The following FZD3 variants were observed in gnomAD, a reference collection of about 807,000 sequenced individuals.
The protein encoded by FZD3 is frizzled class receptor 3.
FZD3 carries 30 observed loss-of-function variants against 60.7 expected under a neutral mutation model. The ratio of observed to expected loss-of-function variants is 0.49; its 90% CI spans 0.37 to 0.67. The LOEUF (loss-of-function observed/expected upper bound fraction) is 0.67. FZD3 is among the 30% of genes least tolerant of loss of function. The pLI is 0.00. For synonymous variants in FZD3, 246 were observed against 275.2 expected, an observed-to-expected ratio of 0.89 and a Z score of 1.05; for missense variants, 605 against 838.7, an observed-to-expected ratio of 0.72 and a Z score of 3.44.
At position 28,570,914 on chromosome 8, in the gene FZD3, CTT is replaced by C. The variant is rs1041160877; in HGVS notation, c.*7904_*7905del. 2.7e-5 allele frequency: 4 copies of C among 150,508 alleles called. No individual in the cohort carries two copies. The highest frequency in any genetic ancestry group is 7.3e-5 in the African/African-American group (3 of 40,882). The allele number at this position is 150,508 out of a possible 1,614,324, so 9.3% of individuals were successfully genotyped here. ...TTCTTTAGCTACATTTATTCCTTGTCTTATGTCATTTCACTGGATCATGTAAC... is the reference window on the plus strand; with the variant it reads ...TTCTTTAGCTACATTTATTCCTTGTCATGTCATTTCACTGGATCATGTAAC... On this transcript the variant is annotated 3_prime_UTR_variant, in exon 8 of 8. Coordinates refer to ENST00000240093, the MANE Select transcript of FZD3 (RefSeq NM_017412.4).
chr8:28,514,132 C>G (rs1179479376), intron 3 of FZD3, among the ~76,000 whole-genome samples: 1 of 152,094 alleles, frequency 6.6e-6, no homozygotes, highest in African/African-American at 2.4e-5. Context: ...ATTTAGTGAA[C>G]AAAAGTATTA....
rs913169425 is a variant in FZD3 at position 28,563,344 on chromosome 8, T to C, written c.*333T>C. 3.9e-5 allele frequency: 11 copies of C among 282,150 alleles called. No individual in the cohort carries two copies. Among genetic ancestry groups the C allele is most frequent in the Non-Finnish European group, 6.9e-5 (10 of 145,420 alleles). The allele number at this position is 282,150 out of a possible 1,614,324, so 17.5% of individuals were successfully genotyped here. ...GTGGTGACTGCTTTGTAGTGAACTT[T>C]CATATACTATAAACTAGTTGTGAGA... On this transcript the variant is annotated 3_prime_UTR_variant, in exon 8 of 8. Transcript: ENST00000240093.
chr8:28,505,360 A>AT (rs111513017), intron 3 of FZD3, among the ~76,000 whole-genome samples: 3,497 of 149,992 alleles, frequency 0.023, 129 homozygotes, highest in African/African-American at 0.079. Context: ...TTCTTTTTTT[A>AT]TTTTTTTTTG....
At chr8:28,547,052 CTG>C (rs1340959243) in intron 5 of FZD3, among the ~76,000 whole-genome samples, 3 of 152,304 alleles carry the variant, frequency 2.0e-5, no homozygotes, top group South Asian at 4.2e-4. Context: ...CTATCACTGC[CTG>C]TGTTTCCCAG....
At chr8:28,532,440 A>G (rs1033480889) in intron 5 of FZD3, among the ~76,000 whole-genome samples, 1 of 152,078 alleles carries the variant, frequency 6.6e-6, no homozygotes, top group African/African-American at 2.4e-5. Context: ...TTTTTAATTT[A>G]TTTATTGTGA....
chr8:28,497,803 A>T (rs1324155822), intron 1 of FZD3, among the ~76,000 whole-genome samples: 1 of 152,062 alleles, frequency 6.6e-6, no homozygotes, highest in Non-Finnish European at 1.5e-5. Flanking sequence ...TTCTTCTGGG[A>T]TTCAGCCTGC....
intron 1 of FZD3, among the ~76,000 whole-genome samples, chr8:28,494,950 G>C (rs75654528): frequency 0.028 from 4,297 of 152,296 alleles, 73 homozygotes; most frequent in Middle Eastern, 0.051. Context: ...AGTTTGCAAA[G>C]TCCTTGCTCC....
chr8:28,558,447 T>C (rs200937451), intron 7 of FZD3, among the ~76,000 whole-genome samples: 2 of 130,720 alleles, frequency 1.5e-5, no homozygotes, highest in Non-Finnish European at 3.3e-5. Context: ...TTTTTTTTTT[T>C]TGAGGCAGAG....
Position 28,569,964 on chromosome 8 carries a change from TATAAA to T in FZD3, c.*6956_*6960del, listed in dbSNP as rs1156527277. 6.6e-6 allele frequency: 1 copy of T among 152,174 alleles called. No individual in the cohort carries two copies. The highest frequency in any genetic ancestry group is 1.5e-5 in the Non-Finnish European group (1 of 68,038). The allele number at this position is 152,174 out of a possible 1,614,324, so 9.4% of individuals were successfully genotyped here. On this transcript the variant is annotated 3_prime_UTR_variant, in exon 8 of 8. Coordinates refer to ENST00000240093, the MANE Select transcript of FZD3 (RefSeq NM_017412.4). ...TTCAATTTACCAATATTAAAATAAT[TATAAA>T]ATGTAAAAGAAATTTCAGAGGAGTT...
At chr8:28,550,604 A>G (rs1384962772) in intron 5 of FZD3, among the ~76,000 whole-genome samples, 1 of 143,440 alleles carries the variant, frequency 7.0e-6, no homozygotes, top group African/African-American at 2.6e-5. Flanking sequence ...CGATTCTCCT[A>G]TCTCAGCCTC....
chr8:28,561,084 T>C (rs1805604195), intron 7 of FZD3, among the ~76,000 whole-genome samples: 2 of 152,220 alleles, frequency 1.3e-5, no homozygotes, highest in Admixed American at 6.5e-5. Flanking sequence ...GAGACAGAGT[T>C]TCGCTCTTGT....
chr8:28,526,335 T>C (rs1475126634), intron 4 of FZD3, among the ~76,000 whole-genome samples: 1 of 152,192 alleles, frequency 6.6e-6, no homozygotes, highest in African/African-American at 2.4e-5. Context: ...ATTTGCTTAC[T>C]AGAATGCTGA....
Position 28,566,519 on chromosome 8 carries a change from T to G in FZD3, c.*3508T>G, listed in dbSNP as rs551517714. ...AAGAATGTCTTCAAATTAGAAAAAT[T>G]TACTACATTTTAACCTACCTCATCA... On this transcript the variant is annotated 3_prime_UTR_variant, in exon 8 of 8. Coordinates refer to ENST00000240093, the MANE Select transcript of FZD3 (RefSeq NM_017412.4). The G allele has an allele frequency of 3.9e-5, 6 of 152,262 alleles. No homozygotes were observed. The South Asian group carries it at 8.3e-4, about 21-fold the overall frequency. The allele number at this position is 152,262 out of a possible 1,614,324, so 9.4% of individuals were successfully genotyped here. A position where few individuals can be genotyped will look rare whatever the true frequency, so the allele number is the denominator to read the frequency against.
At position 28,563,379 on chromosome 8, in the gene FZD3, G is replaced by C. The variant is rs1347707501; in HGVS notation, c.*368G>C. 5.6e-6 allele frequency: 1 copy of C among 177,582 alleles called. No individual in the cohort carries two copies. Among genetic ancestry groups the C allele is most frequent in the African/African-American group, 2.4e-5 (1 of 41,946 alleles). The allele number at this position is 177,582 out of a possible 1,614,324, so 11.0% of individuals were successfully genotyped here. ...TAAACTAGTTGTGAGATAACATTCT[G>C]GTAGCTCAGTTAATAAAACAATTTC... On this transcript the variant is annotated 3_prime_UTR_variant, in exon 8 of 8. Coordinates refer to ENST00000240093, the MANE Select transcript of FZD3 (RefSeq NM_017412.4).
At chr8:28,495,251 T>G (rs1341475296) in intron 1 of FZD3, among the ~76,000 whole-genome samples, 1 of 152,082 alleles carries the variant, frequency 6.6e-6, no homozygotes, top group East Asian at 1.9e-4. Flanking sequence ...AGGAGTAGAT[T>G]TCAGATTTAG....
At chr8:28,529,445 C>A (rs1045362708) in intron 5 of FZD3, among the ~76,000 whole-genome samples, 1 of 152,068 alleles carries the variant, frequency 6.6e-6, no homozygotes, top group Non-Finnish European at 1.5e-5. Flanking sequence ...CTGAACTCTT[C>A]GCAAGAAGAA....
rs776972419 is a variant in FZD3 at position 28,542,436 on chromosome 8, G to A, written c.1405-9167G>A. 5.3e-5 allele frequency among the ~76,000 whole-genome samples: 8 copies of A among 152,158 alleles called. 1 individual carries two copies. Among genetic ancestry groups the A allele is most frequent in the South Asian group, 4.2e-4 (2 of 4,818 alleles). ...GTGGATCACCTGAGGTAGGGAGTTC[G>A]AGACCAGCCTGACCAAAATGGTGAA... On this transcript the variant is annotated intron_variant, in intron 5 of 7. Coordinates refer to ENST00000240093, the MANE Select transcript of FZD3 (RefSeq NM_017412.4).
chr8:28,527,339 C>T lies in FZD3; in HGVS notation c.579C>T (p.Tyr193=), dbSNP rs1373952295. The change falls in exon 5 of 8, where the codon TAC becomes TAT. Residue 193 remains tyrosine, a synonymous_variant. Coordinates refer to ENST00000240093, the MANE Select transcript of FZD3 (RefSeq NM_017412.4). The surrounding 1 kb of genome is among the most constrained non-coding windows in gnomAD (Gnocchi z 5.0). ...GTTCACCTCCTTGTCCAAATATGTA[C>T]TTCAGAAGAGAAGAACTGTCATTTG... ...RDCSPPCPNM[Y]FRREELSFAR... 4 of 1,613,686 alleles carry T rather than the reference C, an allele frequency of 2.5e-6. No homozygotes were observed. Among genetic ancestry groups the T allele is most frequent in the Non-Finnish European group, 3.4e-6 (4 of 1,179,614 alleles).
chr8:28,513,482 A>G (rs1804342104), intron 3 of FZD3, among the ~76,000 whole-genome samples: 1 of 152,202 alleles, frequency 6.6e-6, no homozygotes, highest in Non-Finnish European at 1.5e-5. Flanking sequence ...TTTAAAAATT[A>G]AGGTTTGAAC....
Sources: allele counts gnomAD v4.1 joint callset (sites outside exome capture counted in the v4.1 genomes callset), GRCh38; gene constraint gnomAD v4.1.1; non-coding constraint Gnocchi (gnomAD v3.1); transcripts MANE v1.5; gene names NCBI Gene and HGNC (gene_info 2026-07-23, HGNC 2026-07-21).